Variants in USP46 observed in about 807,000 individuals in gnomAD.
USP46 encodes ubiquitin specific peptidase 46, also known as ubiquitin carboxyl-terminal hydrolase 46.
In USP46, 12 loss-of-function variants were observed where a neutral mutation model predicts 44.4. The ratio of observed to expected loss-of-function variants is 0.27; its 90% confidence interval spans 0.17 to 0.44. The LOEUF is 0.44. Ranked by LOEUF, USP46 falls within the 20% of genes least tolerant of loss-of-function variation. The pLI, the probability that USP46 is intolerant of heterozygous loss-of-function variation, is 1.00. For synonymous variants in USP46, 155 were observed against 161.5 expected, an observed-to-expected ratio of 0.96 and a Z score of 0.31; for missense variants, 248 against 444.8, an observed-to-expected ratio of 0.56 and a Z score of 3.98.
At chr4:52,640,370 A>G (rs573220196) in intron 1 of USP46, among the ~76,000 whole-genome samples, 33 of 152,292 alleles carry the variant, frequency 2.2e-4, no homozygotes, top group African/African-American at 7.9e-4. Flanking sequence ...CATTTAATGG[A>G]AATTTTTGAA....
chr4:52,602,100 AG>A (rs1364185877), intron 6 of USP46, 46 bp from the exon 7 acceptor site: 5 of 1,571,562 alleles, frequency 3.2e-6, no homozygotes, highest in Non-Finnish European at 4.3e-6. Context: ...AACACCTATT[AG>A]GGGAAGAGAA....
chr4:52,634,613 T>C (rs1043184564), intron 1 of USP46, among the ~76,000 whole-genome samples: 1 of 151,868 alleles, frequency 6.6e-6, no homozygotes. Flanking sequence ...TTACTAGAGA[T>C]GGGGTTTCAC....
In USP46 at chr4:52,631,129, C is replaced by A. The variant is rs867875078; in HGVS notation, c.52G>T (p.Ala18Ser). Residue 18 changes from alanine (A) to serine (S), a missense_variant, in exon 2 of 9, where the codon GCT (alanine) becomes TCT (serine). Transcript: ENST00000441222. ...SICNMGTNAS[A>S]LEKDIGPEQF... ...TCTGGACCAATGTCTTTTTCCAGAG[C>A]AGAGGCATTGGTGCCCTAAAAGAGA... The A allele has an allele frequency of 2.6e-6, 4 of 1,561,628 alleles. No individual in the cohort carries two copies. Among genetic ancestry groups the A allele is most frequent in the Admixed American group, 1.9e-5 (1 of 51,986 alleles).
At position 52,597,527 on chromosome 4, in the gene USP46, A is replaced by C; in HGVS notation, c.*113T>G. 2 of 709,926 alleles carry C rather than the reference A, an allele frequency of 2.8e-6. No homozygotes were observed. Among genetic ancestry groups the C allele is most frequent in the Non-Finnish European group, 4.9e-6 (2 of 406,428 alleles). The allele number at this position is 709,926 out of a possible 1,614,324, so 44.0% of individuals were successfully genotyped here. A position where few individuals can be genotyped will look rare whatever the true frequency, so the allele number is the denominator to read the frequency against. On this transcript the variant is annotated 3_prime_UTR_variant, in exon 9 of 9. Transcript: ENST00000441222. ...AGTCTAACACAGCCAGACCATTGAG[A>C]CTCGGAGTGATACCATTAGTGGGCC...
chr4:52,610,714 T>C (rs1249727789), intron 4 of USP46, 97 bp from the exon 5 acceptor site: 1 of 1,141,104 alleles, frequency 8.8e-7, no homozygotes. Flanking sequence ...ATAAAAACCA[T>C]AACTGCAGTT....
At chr4:52,617,267 A>T (rs565023614) in intron 4 of USP46, among the ~76,000 whole-genome samples, 1 of 152,296 alleles carries the variant, frequency 6.6e-6, no homozygotes, top group Admixed American at 6.5e-5. Flanking sequence ...TTTTTTCTTA[A>T]CCTAAATGGC....
chr4:52,625,367 C>A (rs1292283505), intron 4 of USP46, among the ~76,000 whole-genome samples: 3 of 152,094 alleles, frequency 2.0e-5, no homozygotes, highest in Non-Finnish European at 1.5e-5. Flanking sequence ...CAGCCTGGCT[C>A]CAGAGCTCAG....
chr4:52,644,626 C>T (rs1211768596), intron 1 of USP46, among the ~76,000 whole-genome samples: 1 of 151,624 alleles, frequency 6.6e-6, no homozygotes, highest in Non-Finnish European at 1.5e-5. Flanking sequence ...GTGGAACGTT[C>T]ATCCCAAAAC....
At chr4:52,623,511 C>T (rs890958256) in intron 4 of USP46, among the ~76,000 whole-genome samples, 1 of 151,974 alleles carries the variant, frequency 6.6e-6, no homozygotes, top group Non-Finnish European at 1.5e-5. Context: ...GTTGTAATCT[C>T]TAGAGCAACC....
chr4:52,658,096 G>A (rs1577705611), intron 1 of USP46: 10 of 412,196 alleles, frequency 2.4e-5, no homozygotes, highest in Middle Eastern at 8.0e-4. Context: ...TGTTGCCTCC[G>A]GGGACCCGCT....
At position 52,597,694 on chromosome 4, in the gene USP46, A is replaced by G; in HGVS notation, c.1047T>C (p.Asp349=). Residue 349 remains aspartate (D), a synonymous_variant, in exon 9 of 9, where the codon GAT becomes GAC. Coordinates refer to ENST00000441222, the MANE Select transcript of USP46 (RefSeq NM_022832.4). ...ATCCAGATTCTGAATTTTTTGATAT[A>G]TCTGACGTCAGGCCATAGAATTCTT... ...AIEEFYGLTS[D]ISKNSESGYI... The G allele has an allele frequency of 1.9e-6, 3 of 1,603,718 alleles. No individual in the cohort carries two copies. Among genetic ancestry groups the G allele is most frequent in the Non-Finnish European group, 2.6e-6 (3 of 1,174,718 alleles).
chr4:52,658,982 G>C (rs897670022), intron 1 of USP46, 133 bp downstream of exon 1: 2 of 1,133,446 alleles, frequency 1.8e-6, no homozygotes, highest in Non-Finnish European at 2.3e-6. Flanking sequence ...CCAGCTCGGG[G>C]GCCGGGAACT....
intron 7 of USP46, among the ~76,000 whole-genome samples, chr4:52,601,100 C>A (rs536909006): frequency 6.6e-6 from 1 of 152,178 alleles, no homozygotes; most frequent in Non-Finnish European, 1.5e-5. Flanking sequence ...CCGACCTTAA[C>A]AGATGGAGGA....
chr4:52,625,282 T>G (rs745665360), intron 4 of USP46, among the ~76,000 whole-genome samples: 23 of 151,904 alleles, frequency 1.5e-4, no homozygotes, highest in Non-Finnish European at 2.9e-4. Context: ...ATGAAGAAAG[T>G]GAGGACAGAG....
chr4:52,613,571 A>G (rs1717013581), intron 4 of USP46, among the ~76,000 whole-genome samples: 1 of 151,906 alleles, frequency 6.6e-6, no homozygotes, highest in Admixed American at 6.6e-5. Flanking sequence ...AAAATACAAA[A>G]ATTAGCTGGG....
chr4:52,611,440 C>T (rs1193279249), intron 4 of USP46, among the ~76,000 whole-genome samples: 1 of 152,254 alleles, frequency 6.6e-6, no homozygotes, highest in Non-Finnish European at 1.5e-5. Flanking sequence ...GTAGCAGGAA[C>T]AGCTGGCAAC....
intron 5 of USP46, 53 bp from the exon 6 acceptor site, chr4:52,604,637 A>C (rs1716608267): frequency 7.9e-7 from 1 of 1,267,698 alleles, no homozygotes; most frequent in African/African-American, 1.5e-5. Context: ...TACTTGGTAT[A>C]CTATGTTTTA....
intron 4 of USP46, among the ~76,000 whole-genome samples, chr4:52,611,283 C>A (rs1330960188): frequency 1.3e-5 from 2 of 152,226 alleles, no homozygotes; most frequent in East Asian, 3.9e-4. Flanking sequence ...TCAGCTGAGC[C>A]GGTTCGGTGG....
chr4:52,631,204 T>G, intron 1 of USP46, 60 bp from the exon 2 acceptor site: 1 of 1,331,792 alleles, frequency 7.5e-7, no homozygotes, highest in Non-Finnish European at 1.0e-6. Context: ...AGTAAAATCA[T>G]ACCTAAAAGA....
Sources: gnomAD v4.1 joint callset for allele counts (sites outside exome capture counted in the v4.1 genomes callset) on GRCh38, gnomAD v4.1.1 for gene constraint, MANE v1.5 for transcripts, NCBI Gene and HGNC (gene_info 2026-07-23, HGNC 2026-07-21) for gene names.